F2RL2: variants seen among roughly 807,000 people sequenced by gnomAD.
F2RL2 encodes proteinase-activated receptor 3.
A neutral mutation model predicts 4.3 loss-of-function variants in F2RL2; 4 were observed. The observed-to-expected ratio is 0.93, with a 90% CI of 0.46 to 2.12. F2RL2 has a LOEUF of 2.12. Ranked by LOEUF, F2RL2 falls within the 30% of genes most tolerant of loss-of-function variation. F2RL2 has a pLI of 0.02. For synonymous variants in F2RL2, 166 were observed against 170.9 expected, an observed-to-expected ratio of 0.97 and a Z score of 0.22; for missense variants, 408 against 449.3, an observed-to-expected ratio of 0.91 and a Z score of 0.83.
At chr5:76,621,900 C>T (rs1749715381) in intron 1 of F2RL2, among the ~76,000 whole-genome samples, 1 of 152,178 alleles carries the variant, frequency 6.6e-6, no homozygotes, top group South Asian at 2.1e-4. Context: ...ACTCCGGCCT[C>T]TCAGGGGTGT....
chr5:76,622,900 T>C (rs1170824369), intron 1 of F2RL2, among the ~76,000 whole-genome samples: 2 of 152,186 alleles, frequency 1.3e-5, no homozygotes, highest in African/African-American at 4.8e-5. Context: ...TCAAAATTGC[T>C]CCCTGACTTA....
Position 76,617,547 on chromosome 5 carries a change from T to TGTG in F2RL2, c.*32_*34dup, listed in dbSNP as rs777253204. 9 of 1,523,466 alleles carry TGTG rather than the reference T, an allele frequency of 5.9e-6. No homozygotes were observed. The East Asian group carries it at 2.0e-4, about 34-fold the overall frequency. 94.4% of individuals were successfully genotyped at this position (1,523,466 alleles called of 1,614,324 possible). A position where few individuals can be genotyped will look rare whatever the true frequency, so the allele number is the denominator to read the frequency against. On this transcript the variant is annotated 3_prime_UTR_variant, in exon 2 of 2. Coordinates refer to ENST00000296641, the MANE Select transcript of F2RL2 (RefSeq NM_004101.4). ...GTTGTTCTTGAAAACAGACGTTCTC[T>TGTG]GTGATGGCTGTCCTTGTTCTCTAAG...
intron 1 of F2RL2, among the ~76,000 whole-genome samples, chr5:76,620,600 A>G (rs1749554862): frequency 6.6e-6 from 1 of 152,204 alleles, no homozygotes; most frequent in African/African-American, 2.4e-5. Context: ...TGTGGGTCCA[A>G]AATTCCAGGA....
In F2RL2 at chr5:76,617,976, G is replaced by A. The variant is rs1180098418; in HGVS notation, c.731C>T (p.Thr244Ile). Residue 244 changes from threonine (T) to isoleucine (I), a missense_variant, in exon 2 of 2, where the codon ACC becomes ATC. Transcript: ENST00000296641. ...GCAAGTGTTGTGAACATCATGGCAG[G>A]TGGTGATGTCTGGCTGAACAAGATA... ...EYYLVQPDIT[T>I]CHDVHNTCES... The A allele has an allele frequency of 3.7e-6, 6 of 1,614,172 alleles. No homozygotes were observed. Among genetic ancestry groups the A allele is most frequent in the East Asian group, 2.2e-5 (1 of 44,870 alleles).
Position 76,617,966 on chromosome 5 carries a change from A to G in F2RL2, c.741T>C (p.Asp247=), listed in dbSNP as rs375721913. The change falls in exon 2 of 2, where the codon GAT becomes GAC. Residue 247 remains aspartate (D), a synonymous_variant. Transcript: ENST00000296641. ...ATGAGGACTCGCAAGTGTTGTGAACATCATGGCAGGTGGTGATGTCTGGCT... is the reference window on the plus strand; with the variant it reads ...ATGAGGACTCGCAAGTGTTGTGAACGTCATGGCAGGTGGTGATGTCTGGCT... ...LVQPDITTCH[D]VHNTCESSSP... 22 of 1,614,070 alleles carry G rather than the reference A, an allele frequency of 1.4e-5. No homozygotes were observed. Among genetic ancestry groups the G allele is most frequent in the Non-Finnish European group, 1.9e-5 (22 of 1,180,038 alleles).
rs80016717 is a variant in F2RL2 at position 76,622,202 on chromosome 5, C to T, written c.64+965G>A. ...TTTCACCTCCATCAAACCCTATTAG[C>T]GTCTTGAAGGAACCACCCCCGAAAA... On this transcript the variant is annotated intron_variant, in intron 1 of 1. Coordinates refer to ENST00000296641, the MANE Select transcript of F2RL2 (RefSeq NM_004101.4). 8.8e-4 allele frequency among the ~76,000 whole-genome samples: 134 copies of T among 152,202 alleles called. 4 individuals carry two copies. The East Asian group carries it at 0.023, about 26-fold the overall frequency.
chr5:76,618,850 A>T (rs777551333), intron 1 of F2RL2, among the ~76,000 whole-genome samples: 1 of 152,234 alleles, frequency 6.6e-6, no homozygotes, highest in Non-Finnish European at 1.5e-5. Flanking sequence ...ACAAAAACTA[A>T]ATGATCAGTC....
rs200219056 is a variant in F2RL2, at chr5:76,618,415, G to A, written c.292C>T (p.Pro98Ser). 65 of 1,614,194 alleles carry A rather than the reference G, an allele frequency of 4.0e-5. No homozygotes were observed. Among genetic ancestry groups the A allele is most frequent in the Non-Finnish European group, 8.5e-7 (1 of 1,180,022 alleles). ...ACAAACACCAGGAGGTAGATGGCAG[G>A]TATCAGTTTAGTACTTAAGGAGCTG... The part of the protein sequence containing the change: ...LTSSLSTKLI[P>S]AIYLLVFVVG... Residue 98 changes from proline to serine, a missense_variant, in exon 2 of 2, where the codon CCT becomes TCT. Transcript: ENST00000296641.
chr5:76,617,995 C>T lies in F2RL2; in HGVS notation c.712G>A (p.Val238Ile). 1 of 1,614,070 alleles carries T rather than the reference C, an allele frequency of 6.2e-7. No individual in the cohort carries two copies. Among genetic ancestry groups the T allele is most frequent in the Non-Finnish European group, 8.5e-7 (1 of 1,180,016 alleles). ...FFILKQEYYL[V>I]QPDITTCHDV... ...TGGCAGGTGGTGATGTCTGGCTGAA[C>T]AAGATAATATTCCTGCTTCAGTATG... Residue 238 changes from valine to isoleucine, a missense_variant, in exon 2 of 2, where the codon GTT (valine) becomes ATT (isoleucine). Physicochemically the swap from Val to Ile is conservative, Grantham distance 29 (BLOSUM62 3). Transcript: ENST00000296641.
chr5:76,622,674 C>CT (rs1749817043), intron 1 of F2RL2, among the ~76,000 whole-genome samples: 1 of 152,140 alleles, frequency 6.6e-6, no homozygotes, highest in Non-Finnish European at 1.5e-5. Flanking sequence ...GAACTCCCCA[C>CT]TTAAAGTCAA....
intron 1 of F2RL2, 83 bp downstream of exon 1, chr5:76,623,084 T>C (rs1561523169): frequency 7.7e-7 from 1 of 1,296,340 alleles, no homozygotes; most frequent in African/African-American, 1.5e-5. Flanking sequence ...TTGTGTGAGA[T>C]GCAAAGAAAC....
intron 1 of F2RL2, among the ~76,000 whole-genome samples, chr5:76,621,694 C>T (rs3797397): frequency 2.0e-5 from 3 of 152,274 alleles, no homozygotes; most frequent in African/African-American, 4.8e-5. Flanking sequence ...TTCCATTTTC[C>T]GTGAGAATGC....
At position 76,618,016 on chromosome 5, in the gene F2RL2, G is replaced by T; in HGVS notation, c.691C>A (p.Leu231Met). The T allele has an allele frequency of 1.2e-6, 2 of 1,614,188 alleles. No homozygotes were observed. The highest frequency in any genetic ancestry group is 8.5e-7 in the Non-Finnish European group (1 of 1,180,034). Residue 231 changes from leucine to methionine, a missense_variant, in exon 2 of 2, where the codon CTG (leucine) becomes ATG (methionine). Leu to Met is a conservative substitution (Grantham distance 15, BLOSUM62 2). Coordinates refer to ENST00000296641, the MANE Select transcript of F2RL2 (RefSeq NM_004101.4). ...VFLYMLPFFI[L>M]KQEYYLVQPD... ...TGAACAAGATAATATTCCTGCTTCA[G>T]TATGAAAAATGGCAGCATATATAAG...
rs764914705 is a variant in F2RL2 at position 76,618,449 on chromosome 5, C to A, written c.258G>T (p.Gly86=). 1.2e-6 allele frequency: 2 copies of A among 1,614,116 alleles called. No individual in the cohort carries two copies. Among genetic ancestry groups the A allele is most frequent in the Non-Finnish European group, 1.7e-6 (2 of 1,180,018 alleles). Residue 86 remains glycine, a synonymous_variant, in exon 2 of 2, where the codon GGG becomes GGT. Transcript: ENST00000296641. ...SHLHVKNATM[G]YLTSSLSTKL... Reference sequence around the variant, plus strand: ...TAGTACTTAAGGAGCTGGTCAGGTACCCCATGGTAGCATTTTTCACATGGA... The same window carrying A: ...TAGTACTTAAGGAGCTGGTCAGGTAACCCATGGTAGCATTTTTCACATGGA...
chr5:76,617,497 A>C lies in F2RL2; in HGVS notation c.*85T>G. On this transcript the variant is annotated 3_prime_UTR_variant, in exon 2 of 2. Coordinates refer to ENST00000296641, the MANE Select transcript of F2RL2 (RefSeq NM_004101.4). ...AAGCATATTTCTTAGGAGCTCGGAA[A>C]TGGAGCTCCTTGCACTATGCTTATG... 4 of 980,592 alleles carry C rather than the reference A, an allele frequency of 4.1e-6. No individual in the cohort carries two copies. The highest frequency in any genetic ancestry group is 6.1e-6 in the Non-Finnish European group (4 of 656,252). 60.7% of individuals were successfully genotyped at this position (980,592 alleles called of 1,614,324 possible).
chr5:76,622,474 G>A (rs1224231700), intron 1 of F2RL2, among the ~76,000 whole-genome samples: 1 of 152,248 alleles, frequency 6.6e-6, no homozygotes, highest in African/African-American at 2.4e-5. Flanking sequence ...TCCTAACAAT[G>A]TTGACTGGAG....
rs1167082150 is a variant in F2RL2, at chr5:76,617,964, A to G, written c.743T>C (p.Val248Ala). 6.2e-7 allele frequency: 1 copy of G among 1,614,182 alleles called. No individual in the cohort carries two copies. The highest frequency in any genetic ancestry group is 2.2e-5 in the East Asian group (1 of 44,868). ...VQPDITTCHDVHNTCESSSPF... is the reference protein window; with the variant it reads ...VQPDITTCHDAHNTCESSSPF... ...AGATGAGGACTCGCAAGTGTTGTGA[A>G]CATCATGGCAGGTGGTGATGTCTGG... Residue 248 changes from valine (V) to alanine (A), a missense_variant, in exon 2 of 2, where the codon GTT (valine) becomes GCT (alanine). Physicochemically the swap from Val to Ala is moderately conservative, Grantham distance 64. Coordinates refer to ENST00000296641, the MANE Select transcript of F2RL2 (RefSeq NM_004101.4).
At chr5:76,621,652 A>G (rs1749685072) in intron 1 of F2RL2, among the ~76,000 whole-genome samples, 1 of 152,222 alleles carries the variant, frequency 6.6e-6, no homozygotes, top group Admixed American at 6.5e-5. Flanking sequence ...CATGCCAAAC[A>G]GTGCCTGTGT....
chr5:76,617,555 C>A lies in F2RL2; in HGVS notation c.*27G>T, dbSNP rs1283817742. On this transcript the variant is annotated 3_prime_UTR_variant, in exon 2 of 2. Coordinates refer to ENST00000296641, the MANE Select transcript of F2RL2 (RefSeq NM_004101.4). ...TGAAAACAGACGTTCTCTGTGATGG[C>A]TGTCCTTGTTCTCTAAGATCATTTC... The A allele has an allele frequency of 6.4e-7, 1 of 1,551,826 alleles. No individual in the cohort carries two copies. Among genetic ancestry groups the A allele is most frequent in the Non-Finnish European group, 8.8e-7 (1 of 1,139,464 alleles).
Sources: allele counts gnomAD v4.1 joint callset (sites outside exome capture counted in the v4.1 genomes callset), GRCh38; gene constraint gnomAD v4.1.1; transcripts MANE v1.5; gene names NCBI Gene and HGNC (gene_info 2026-07-23, HGNC 2026-07-21).